UMODL1: variants seen among roughly 807,000 people sequenced by gnomAD.
The protein encoded by UMODL1 is uromodulin-like 1.
UMODL1 carries 128 observed loss-of-function variants against 136.3 expected under a neutral mutation model. The ratio of observed to expected loss-of-function variants is 0.94; its 90% CI spans 0.81 to 1.09. UMODL1 has a LOEUF of 1.09. UMODL1 is among the 50% of genes least tolerant of loss of function. UMODL1 has a pLI of 0.00. For missense variants in UMODL1, 1,766 were observed against 1,725.6 expected, an observed-to-expected ratio of 1.02 and a Z score of -0.41; for synonymous variants, 721 against 720.0, an observed-to-expected ratio of 1.00 and a Z score of -0.02.
Position 42,103,853 on chromosome 21 carries a change from C to T in UMODL1, c.1300-15C>T, listed in dbSNP as rs755438674. 3.1e-6 allele frequency: 5 copies of T among 1,614,092 alleles called. No homozygotes were observed. In the East Asian group the frequency reaches 1.1e-4, roughly 36 times the overall value. ...AGACGTTGATGGATGTCTGCTGTTG[C>T]CTCTTCTTGGCTAGGTCGAGAGCTC... On this transcript the variant is annotated splice_polypyrimidine_tract_variant and intron_variant, in intron 8 of 22. Transcript: ENST00000408910.
chr21:42,093,873 C>T (rs779186561), intron 6 of UMODL1: 3 of 456,704 alleles, frequency 6.6e-6, no homozygotes, highest in Admixed American at 4.7e-5. Flanking sequence ...CCCCGCAGCA[C>T]GTGGCCTTGA....
At chr21:42,084,317 G>A (rs2066400353) in intron 3 of UMODL1, 72 bp downstream of exon 3, 1 of 1,510,746 alleles carries the variant, frequency 6.6e-7, no homozygotes, top group African/African-American at 1.4e-5. Flanking sequence ...TCTGTGTGAA[G>A]GTGTGGGGGG....
chr21:42,095,849 G>C (rs2066551449), intron 6 of UMODL1, among the ~76,000 whole-genome samples: 1 of 152,154 alleles, frequency 6.6e-6, no homozygotes, highest in Non-Finnish European at 1.5e-5. Context: ...GACTAAATAG[G>C]ATAACATGGC....
chr21:42,084,983 T>C (rs2066408736), intron 3 of UMODL1, among the ~76,000 whole-genome samples: 1 of 149,684 alleles, frequency 6.7e-6, no homozygotes, highest in South Asian at 2.1e-4. Flanking sequence ...ATAATGAGGC[T>C]GATAGGCTCT....
At chr21:42,076,354 A>G (rs2066291745) in intron 2 of UMODL1, 107 bp downstream of exon 2, 2 of 1,531,156 alleles carry the variant, frequency 1.3e-6, no homozygotes, top group African/African-American at 2.7e-5. Context: ...TAGATCTTCC[A>G]GGAGCACGGC....
In UMODL1 at chr21:42,129,745, T is replaced by C; in HGVS notation, c.3723T>C (p.Ser1241=). ...ATAACTTTCGGTTGCTGCAAAATAG[T>C]GAAACCTCTGCCACACACCAGATGT... is the stretch of plus-strand genomic sequence containing the variant. ...NCNNFRLLQN[S]ETSATHQMSW... The change falls in exon 21 of 23, where the codon AGT becomes AGC. Residue 1241 remains serine (S), a synonymous_variant. Transcript: ENST00000408910. 1 of 1,588,766 alleles carries C rather than the reference T, an allele frequency of 6.3e-7. No homozygotes were observed. Among genetic ancestry groups the C allele is most frequent in the Non-Finnish European group, 8.5e-7 (1 of 1,171,204 alleles).
intron 2 of UMODL1, among the ~76,000 whole-genome samples, chr21:42,076,576 G>C (rs1379049231): frequency 6.6e-6 from 1 of 152,138 alleles, no homozygotes; most frequent in Non-Finnish European, 1.5e-5. Context: ...CAGATGCCTG[G>C]GTCTCTTCCT....
intron 1 of UMODL1, among the ~76,000 whole-genome samples, chr21:42,066,097 C>T (rs1396342274): frequency 1.3e-5 from 2 of 152,206 alleles, no homozygotes; most frequent in Non-Finnish European, 2.9e-5. Flanking sequence ...TTGATGCTCA[C>T]GATCTCAGAG....
intron 22 of UMODL1, among the ~76,000 whole-genome samples, chr21:42,139,906 C>A (rs1006621061): frequency 3.9e-5 from 6 of 152,168 alleles, no homozygotes; most frequent in African/African-American, 1.2e-4. Context: ...GTCCCCCTCA[C>A]ATGGGCAGAA....
chr21:42,117,179 C>T (rs1435212711), intron 14 of UMODL1, among the ~76,000 whole-genome samples: 2 of 152,194 alleles, frequency 1.3e-5, no homozygotes, highest in African/African-American at 4.8e-5. Flanking sequence ...GTGGACATTT[C>T]ACAGAAACAG....
chr21:42,114,490 C>T (rs1194314070), intron 13 of UMODL1, among the ~76,000 whole-genome samples: 1 of 152,164 alleles, frequency 6.6e-6, no homozygotes, highest in African/African-American at 2.4e-5. Flanking sequence ...GCTTCCCAAG[C>T]GTTGATAGCA....
rs2146528118 is a variant in UMODL1, at chr21:42,122,457, G to A, written c.2828-374G>A. 6.6e-6 allele frequency among the ~76,000 whole-genome samples: 1 copy of A among 152,290 alleles called. No homozygotes were observed. The highest frequency in any genetic ancestry group is 2.1e-4 in the South Asian group (1 of 4,822). On this transcript the variant is annotated intron_variant, in intron 16 of 22. Coordinates refer to ENST00000408910, the MANE Select transcript of UMODL1 (RefSeq NM_001004416.3). This position sits in a 1 kb window ranked among gnomAD's most constrained non-coding sequence, Gnocchi z 4.3. The stretch of plus-strand genomic sequence containing the variant: ...TATCCACTGGCTTGGCACATCCCCG[G>A]CATCAGGTCCCTCGGTCCTTGGCCC...
At chr21:42,081,385 A>G (rs1443063543) in intron 2 of UMODL1, among the ~76,000 whole-genome samples, 1 of 152,190 alleles carries the variant, frequency 6.6e-6, no homozygotes, top group African/African-American at 2.4e-5. Context: ...CAGTGTTGCC[A>G]GGAGCTGAGC....
intron 16 of UMODL1, among the ~76,000 whole-genome samples, chr21:42,121,672 G>A (rs145363357): frequency 5.3e-5 from 8 of 152,324 alleles, no homozygotes; most frequent in East Asian, 1.9e-4. Context: ...CTGACCCCAC[G>A]TTGGCCACTG....
chr21:42,108,690 C>T (rs578200568), intron 9 of UMODL1, among the ~76,000 whole-genome samples: 62 of 152,334 alleles, frequency 4.1e-4, no homozygotes, highest in Middle Eastern at 3.4e-3. Flanking sequence ...CTGACGACCT[C>T]GGCTCAGCCA....
intron 6 of UMODL1, 48 bp from the exon 7 acceptor site, chr21:42,098,878 C>T (rs2066590346): frequency 6.3e-7 from 1 of 1,597,724 alleles, no homozygotes; most frequent in African/African-American, 1.3e-5. Context: ...GAAGAGAAAG[C>T]CGCCCTCACT....
Position 42,076,102 on chromosome 21 carries a change from T to C in UMODL1, c.174T>C (p.Tyr58=). 3.1e-6 allele frequency: 5 copies of C among 1,614,240 alleles called. No homozygotes were observed. Among genetic ancestry groups the C allele is most frequent in the Non-Finnish European group, 4.2e-6 (5 of 1,180,040 alleles). Residue 58 remains tyrosine (Y), a synonymous_variant, in exon 2 of 23, where the codon TAT becomes TAC. Coordinates refer to ENST00000408910, the MANE Select transcript of UMODL1 (RefSeq NM_001004416.3). The part of the protein sequence containing the change: ...VEAVQTSYTS[Y]VSCGGWIPWR... ...CCGTGCAGACGTCCTACACGTCCTA[T>C]GTGTCCTGCGGCGGCTGGATCCCCT... is the stretch of plus-strand genomic sequence containing the variant.
rs2146521666 is a variant in UMODL1, at chr21:42,119,143, G to A, written c.2508G>A (p.Gln836=). ...GCTCCCTGCCAGCCACCATGTGTCA[G>A]CACATGGACGCTGGTGGGGTCAGGA... ...VRGSLPATMC[Q]HMDAGGVRME... is the part of the protein sequence containing the mutation. The change falls in exon 15 of 23, where the codon CAG becomes CAA. Residue 836 remains glutamine (Q), a synonymous_variant. Transcript: ENST00000408910. The A allele has an allele frequency of 6.2e-7, 1 of 1,613,678 alleles. No homozygotes were observed. Among genetic ancestry groups the A allele is most frequent in the East Asian group, 2.2e-5 (1 of 44,888 alleles).
intron 9 of UMODL1, among the ~76,000 whole-genome samples, chr21:42,104,456 T>C (rs1384897714): frequency 7.0e-6 from 1 of 142,730 alleles, no homozygotes; most frequent in Non-Finnish European, 1.5e-5. Flanking sequence ...TTTTCTTTTC[T>C]TTTTTTTTTT....
Sources: allele counts gnomAD v4.1 joint callset (sites outside exome capture counted in the v4.1 genomes callset), GRCh38; gene constraint gnomAD v4.1.1; non-coding constraint Gnocchi (gnomAD v3.1); transcripts MANE v1.5; gene names NCBI Gene and HGNC (gene_info 2026-07-23, HGNC 2026-07-21).